The following HUNK variants were observed in gnomAD, a reference collection of about 807,000 sequenced individuals.
HUNK encodes hormonally up-regulated Neu-associated kinase, also known as hormonally up-regulated neu tumor-associated kinase.
Under a neutral mutation model 61.0 loss-of-function variants are expected in HUNK, and 21 were observed. The ratio of observed to expected loss-of-function variants is 0.34; its 90% confidence interval spans 0.24 to 0.50. HUNK has a LOEUF of 0.50. Among genes scored for constraint, HUNK ranks in the 20% least tolerant of loss-of-function variants. The pLI is 0.98. For missense variants in HUNK, 772 were observed against 945.7 expected (o/e 0.82, Z 2.41); for synonymous variants, 371 against 386.1 (o/e 0.96, Z 0.46).
At chr21:31,946,631 T>C (rs112306927) in intron 4 of HUNK, among the ~76,000 whole-genome samples, 5 of 152,018 alleles carry the variant, frequency 3.3e-5, no homozygotes, top group African/African-American at 1.2e-4. Flanking sequence ...TTGTTTTTTT[T>C]TGAGGCAGAG....
intron 2 of HUNK, among the ~76,000 whole-genome samples, chr21:31,930,671 T>C (rs1423869222): frequency 6.6e-6 from 1 of 152,198 alleles, no homozygotes; most frequent in Non-Finnish European, 1.5e-5. Flanking sequence ...TAAGACTTTG[T>C]TGAATGAAGG....
Position 31,939,445 on chromosome 21 carries a change from A to T in HUNK, c.555-720A>T, listed in dbSNP as rs2052754566. Among the ~76,000 whole-genome samples the T allele has an allele frequency of 4.0e-5, 4 of 100,766 alleles. No homozygotes were observed. The South Asian group carries it at 1.3e-3, about 34-fold the overall frequency. The allele number at this position is 100,766 out of a possible 152,430, so 66.1% of individuals were successfully genotyped here. A position where few individuals can be genotyped will look rare whatever the true frequency, so the allele number is the denominator to read the frequency against. On this transcript the variant is annotated intron_variant, in intron 2 of 10. Coordinates refer to ENST00000270112, the MANE Select transcript of HUNK (RefSeq NM_014586.2). ...TTTTTTGAGATGGAGTTTCGATCTC[A>T]TTGCCCAGGCTGGAGTGCAATGGTG...
chr21:31,877,848 A>G (rs2052276205), intron 1 of HUNK, among the ~76,000 whole-genome samples: 1 of 152,182 alleles, frequency 6.6e-6, no homozygotes, highest in African/African-American at 2.4e-5. Context: ...CTGGCACATA[A>G]CAAGTGCCCC....
chr21:31,970,009 C>T (rs2123850408), intron 6 of HUNK, among the ~76,000 whole-genome samples: 1 of 152,280 alleles, frequency 6.6e-6, no homozygotes, highest in South Asian at 2.1e-4. Context: ...GACCCACCTT[C>T]CTTCTTCCTT....
chr21:31,975,640 G>C (rs973902644), intron 7 of HUNK, among the ~76,000 whole-genome samples: 1 of 149,206 alleles, frequency 6.7e-6, no homozygotes, highest in Non-Finnish European at 1.5e-5. Context: ...TCACTGTTAG[G>C]AAGACATTTA....
intron 1 of HUNK, among the ~76,000 whole-genome samples, chr21:31,901,801 GT>G (rs1310478634): frequency 1.3e-5 from 2 of 152,106 alleles, no homozygotes; most frequent in East Asian, 3.9e-4. Context: ...AGAGTAAGAT[GT>G]TTTTGTTTTT....
chr21:31,987,970 G>A (rs536634899), intron 8 of HUNK, among the ~76,000 whole-genome samples: 178 of 151,888 alleles, frequency 1.2e-3, no homozygotes, highest in African/African-American at 3.5e-3. Flanking sequence ...TCATCAACCC[G>A]TGTCCCGGGC....
chr21:31,894,401 C>T (rs2052411480), intron 1 of HUNK, among the ~76,000 whole-genome samples: 6 of 152,154 alleles, frequency 3.9e-5, no homozygotes. Flanking sequence ...GCCAGGTGTA[C>T]TGTGATGTCA....
At chr21:31,937,594 G>A (rs1236604013) in intron 2 of HUNK, among the ~76,000 whole-genome samples, 1 of 152,210 alleles carries the variant, frequency 6.6e-6, no homozygotes, top group African/African-American at 2.4e-5. Flanking sequence ...GACTCAAAAA[G>A]TCATCCTGGT....
At chr21:31,971,941 G>A (rs527867312) in intron 6 of HUNK, among the ~76,000 whole-genome samples, 5 of 145,950 alleles carry the variant, frequency 3.4e-5, no homozygotes, top group South Asian at 4.2e-4. Context: ...TAACCTTCAC[G>A]CCTCAGCTTC....
At position 31,883,579 on chromosome 21, in the gene HUNK, T is replaced by C. The variant is rs901280787; in HGVS notation, c.261+9644T>C. ...ACCACCTTCCCTCGCTCCCCATTAT[T>C]CTTTCTCTTTTTCTTTGTGGTTCTT... is the stretch of plus-strand genomic sequence containing the variant. On this transcript the variant is annotated intron_variant, in intron 1 of 10. Coordinates refer to ENST00000270112, the MANE Select transcript of HUNK (RefSeq NM_014586.2). 5.3e-5 allele frequency among the ~76,000 whole-genome samples: 8 copies of C among 152,308 alleles called. No homozygotes were observed. The East Asian group carries it at 7.7e-4, about 15-fold the overall frequency.
intron 8 of HUNK, among the ~76,000 whole-genome samples, chr21:31,984,612 C>T (rs538325370): frequency 6.6e-6 from 1 of 152,152 alleles, no homozygotes; most frequent in Non-Finnish European, 1.5e-5. Context: ...TAGCAAACAT[C>T]CCACATCCAT....
chr21:31,976,530 G>A (rs1461157524), intron 7 of HUNK, among the ~76,000 whole-genome samples: 2 of 140,270 alleles, frequency 1.4e-5, no homozygotes, highest in African/African-American at 2.6e-5. Context: ...GCAGTGGGAC[G>A]ATCTCGGCTC....
chr21:31,967,587 C>T (rs558304394), intron 5 of HUNK, among the ~76,000 whole-genome samples: 158 of 151,690 alleles, frequency 1.0e-3, no homozygotes, highest in Non-Finnish European at 1.7e-3. Flanking sequence ...TTTGGCCAGG[C>T]GTGGTGGCTC....
chr21:31,951,742 A>G (rs750498087), intron 4 of HUNK, among the ~76,000 whole-genome samples: 11 of 152,236 alleles, frequency 7.2e-5, no homozygotes, highest in Non-Finnish European at 1.3e-4. Flanking sequence ...TCCTGTCTCC[A>G]TATAGAACTG....
chr21:31,990,684 C>T (rs1447251797), intron 9 of HUNK, among the ~76,000 whole-genome samples: 3 of 151,832 alleles, frequency 2.0e-5, no homozygotes, highest in East Asian at 1.9e-4. Flanking sequence ...TACAGGTGCC[C>T]GCCATCACGC....
Position 31,999,085 on chromosome 21 carries a change from T to C in HUNK, c.2046T>C (p.Ser682=). 1 of 1,614,238 alleles carries C rather than the reference T, an allele frequency of 6.2e-7. No individual in the cohort carries two copies. Residue 682 remains serine, a synonymous_variant, in exon 11 of 11, where the codon TCT becomes TCC. Transcript: ENST00000270112. ...AGCGCCATCAGAGTCTGCAGCCATC[T>C]GCAGATAGGCCCCTGGAGGCCAGCC... ...LRKRHQSLQP[S]ADRPLEASLP...
intron 5 of HUNK, among the ~76,000 whole-genome samples, chr21:31,965,594 C>CTTTTTT (rs71193162): frequency 1.6e-4 from 20 of 127,434 alleles, no homozygotes; most frequent in East Asian, 2.3e-4. Context: ...CTTTGTTTTT[C>CTTTTTT]TTTTTTTTTT....
chr21:31,969,972 C>T (rs899328292), intron 6 of HUNK, among the ~76,000 whole-genome samples: 3 of 152,166 alleles, frequency 2.0e-5, no homozygotes, highest in African/African-American at 4.8e-5. Context: ...AAGGAAACCA[C>T]GTGGGTTCAG....
Sources: gnomAD v4.1 joint callset for allele counts (sites outside exome capture counted in the v4.1 genomes callset) on GRCh38, gnomAD v4.1.1 for gene constraint, MANE v1.5 for transcripts, NCBI Gene and HGNC (gene_info 2026-07-23, HGNC 2026-07-21) for gene names.